DLG5: variants seen among roughly 807,000 people sequenced by gnomAD.
DLG5 encodes the protein disks large homolog 5.
Under a neutral mutation model 189.8 loss-of-function variants are expected in DLG5, and 48 were observed. The ratio of observed to expected loss-of-function variants is 0.25; its 90% CI spans 0.20 to 0.32. The LOEUF (loss-of-function observed/expected upper bound fraction) is 0.32, where lower values mean the gene tolerates loss of function less well. Among genes scored for constraint, DLG5 ranks in the 10% least tolerant of loss-of-function variants. The pLI, the probability that DLG5 is intolerant of heterozygous loss-of-function variation, is 1.00. For missense variants in DLG5, 2,160 were observed against 2,544.7 expected, an observed-to-expected ratio of 0.85 and a Z score of 3.25; for synonymous variants, 1,016 against 1,054.1, an observed-to-expected ratio of 0.96 and a Z score of 0.70.
chr10:77,836,745 C>A (rs574282032), intron 7 of DLG5, among the ~76,000 whole-genome samples: 1 of 152,078 alleles, frequency 6.6e-6, no homozygotes, highest in South Asian at 2.1e-4. Context: ...CAAAAAGGAC[C>A]ATCAAAACTC....
At chr10:77,883,691 C>CTTTTT (rs36028891) in intron 1 of DLG5, among the ~76,000 whole-genome samples, 26 of 96,434 alleles carry the variant, frequency 2.7e-4, no homozygotes, top group African/African-American at 3.3e-4. Flanking sequence ...TAACATTGTT[C>CTTTTT]TTTTTTTTTT....
chr10:77,859,739 C>T (rs944872335), intron 2 of DLG5, among the ~76,000 whole-genome samples: 11 of 152,234 alleles, frequency 7.2e-5, no homozygotes, highest in African/African-American at 2.7e-4. Context: ...TTAAGCAACA[C>T]AGACTGTGTT....
At chr10:77,812,494 G>T in intron 20 of DLG5, 117 bp from the exon 21 acceptor site, 1 of 1,216,130 alleles carries the variant, frequency 8.2e-7, no homozygotes, top group Non-Finnish European at 1.1e-6. Flanking sequence ...GAGCCTGGAT[G>T]CTCCCATTGT....
rs1389020286 is a variant in DLG5, at chr10:77,792,560, C to T, written c.5657-17G>A. ...GGATGACCCCTGCAAAAGAGCCCCC[C>T]AGACACGTCATTCAGCTCAGAGTAA... On this transcript the variant is annotated splice_polypyrimidine_tract_variant and intron_variant, in intron 31 of 31. Transcript: ENST00000372391. 2 of 1,612,678 alleles carry T rather than the reference C, an allele frequency of 1.2e-6. No homozygotes were observed. Among genetic ancestry groups the T allele is most frequent in the Non-Finnish European group, 1.7e-6 (2 of 1,178,712 alleles).
chr10:77,883,789 T>C (rs1022909165), intron 1 of DLG5, among the ~76,000 whole-genome samples: 6 of 148,652 alleles, frequency 4.0e-5, no homozygotes, highest in Non-Finnish European at 8.9e-5. Context: ...CTCCCCCTTC[T>C]GGGTTCAAGC....
intron 9 of DLG5, among the ~76,000 whole-genome samples, chr10:77,833,105 G>A (rs1380385704): frequency 6.6e-6 from 1 of 152,178 alleles, no homozygotes; most frequent in Non-Finnish European, 1.5e-5. Flanking sequence ...TGGATGGAGA[G>A]CCACTGCTTT....
In DLG5 at chr10:77,856,856, A is replaced by G; in HGVS notation, c.410T>C (p.Leu137Pro). 6.2e-7 allele frequency: 1 copy of G among 1,612,362 alleles called. No homozygotes were observed. Among genetic ancestry groups the G allele is most frequent in the Non-Finnish European group, 8.5e-7 (1 of 1,179,892 alleles). Residue 137 changes from leucine (L) to proline (P), a missense_variant, in exon 3 of 32, where the codon CTC (leucine) becomes CCC (proline). Leu to Pro is a moderately conservative substitution (Grantham distance 98, BLOSUM62 -3). Coordinates refer to ENST00000372391, the MANE Select transcript of DLG5 (RefSeq NM_004747.4). ...TGKAPSPPPL[L>P]TDQQVNEKVE... ...CTTCTCATTCACTTGCTGGTCAGTG[A>G]GGAGGGGTGGTGGGGACGGCGCCTT... is the stretch of plus-strand genomic sequence containing the variant.
At chr10:77,802,479 A>G (rs986092485) in intron 27 of DLG5, among the ~76,000 whole-genome samples, 30 of 152,254 alleles carry the variant, frequency 2.0e-4, no homozygotes, top group Admixed American at 1.3e-4. Flanking sequence ...TCAGAAGCAC[A>G]AAACTGCAGG....
At chr10:77,803,315 C>T (rs1841309982) in intron 27 of DLG5, among the ~76,000 whole-genome samples, 1 of 152,152 alleles carries the variant, frequency 6.6e-6, no homozygotes, top group South Asian at 2.1e-4. Flanking sequence ...GTGGAAATTC[C>T]TCACACTGCT....
At position 77,871,536 on chromosome 10, in the gene DLG5, C is replaced by CTTTTTT. The variant is rs34326711; in HGVS notation, c.305-2345_305-2340dup. Among the ~76,000 whole-genome samples the CTTTTTT allele has an allele frequency of 8.1e-3, 680 of 83,888 alleles. 24 individuals are homozygous for CTTTTTT. The highest frequency in any genetic ancestry group is 0.01 in the Non-Finnish European group (475 of 47,368). 55.0% of individuals were successfully genotyped at this position (83,888 alleles called of 152,430 possible). A position where few individuals can be genotyped will look rare whatever the true frequency, so the allele number is the denominator to read the frequency against. ...CTCAACAAAAACAATAAGCATCACA[C>CTTTTTT]TTTTTTTTTTTTTTTTTTTTTTTTG... is the stretch of plus-strand genomic sequence containing the variant. On this transcript the variant is annotated intron_variant, in intron 1 of 31. Coordinates refer to ENST00000372391, the MANE Select transcript of DLG5 (RefSeq NM_004747.4).
intron 29 of DLG5, 48 bp from the exon 30 acceptor site, chr10:77,795,006 C>G: frequency 6.6e-7 from 1 of 1,516,366 alleles, no homozygotes; most frequent in Non-Finnish European, 9.1e-7. Context: ...TGAGGGGCAG[C>G]CAGCCCCCTG....
At chr10:77,940,054 T>C in the DLG5 span, among the ~76,000 whole-genome samples, 1 of 151,910 alleles carries the variant, frequency 6.6e-6, no homozygotes, top group African/African-American at 2.4e-5. Context: ...TGGCCAGAAC[T>C]TGACCAACAA....
intron 27 of DLG5, among the ~76,000 whole-genome samples, chr10:77,805,369 C>T (rs1428962604): frequency 2.0e-5 from 3 of 152,138 alleles, no homozygotes; most frequent in Non-Finnish European, 2.9e-5. Flanking sequence ...GAAAGAGGCA[C>T]GCTCAGCTGA....
intron 1 of DLG5, among the ~76,000 whole-genome samples, chr10:77,924,395 C>T (rs577380476): frequency 9.2e-5 from 14 of 152,228 alleles, no homozygotes; most frequent in Admixed American, 2.6e-4. Context: ...CTCCACCAGA[C>T]ACGGAAAGGG....
chr10:77,831,397 CA>C (rs373644235), intron 9 of DLG5, among the ~76,000 whole-genome samples: 5,296 of 146,146 alleles, frequency 0.036, 303 homozygotes, highest in African/African-American at 0.13. Context: ...AACTCCATCT[CA>C]AAAAAAAAAT....
chr10:77,877,680 C>T (rs1845142625), intron 1 of DLG5, among the ~76,000 whole-genome samples: 1 of 152,198 alleles, frequency 6.6e-6, no homozygotes, highest in South Asian at 2.1e-4. Flanking sequence ...CCTGCTGTCA[C>T]TTCTGGCCAG....
intron 13 of DLG5, among the ~76,000 whole-genome samples, chr10:77,825,413 C>T (rs987669667): frequency 1.3e-5 from 2 of 149,772 alleles, no homozygotes; most frequent in East Asian, 4.0e-4. Flanking sequence ...CACACACACA[C>T]ACAGTACCAA....
intron 1 of DLG5, among the ~76,000 whole-genome samples, chr10:77,923,096 G>C (rs1201308393): frequency 1.3e-5 from 2 of 152,254 alleles, no homozygotes; most frequent in Non-Finnish European, 2.9e-5. Flanking sequence ...CATCAAGGAA[G>C]CTCCTAGGTG....
chr10:77,928,030 C>T (rs1846747164), upstream of DLG5: 1 of 152,214 alleles, frequency 6.6e-6, no homozygotes, highest in African/African-American at 2.4e-5. Context: ...TCTTCTTAGT[C>T]TGCTTCTTCA....
Sources: gnomAD v4.1 joint callset for allele counts (sites outside exome capture counted in the v4.1 genomes callset) on GRCh38, gnomAD v4.1.1 for gene constraint, MANE v1.5 for transcripts, NCBI Gene and HGNC (gene_info 2026-07-23, HGNC 2026-07-21) for gene names.